Variants in CERS6 observed in about 807,000 individuals in gnomAD.
The protein encoded by CERS6 is ceramide synthase 6.
In CERS6, 26 loss-of-function variants were observed where a neutral mutation model predicts 56.8. The ratio of observed to expected loss-of-function variants is 0.46; its 90% CI spans 0.34 to 0.63. The LOEUF (loss-of-function observed/expected upper bound fraction) is 0.63. Among genes scored for constraint, CERS6 ranks in the 30% least tolerant of loss-of-function variants. CERS6 has a pLI of 0.01. For synonymous variants in CERS6, 164 were observed against 173.3 expected (o/e 0.95, Z 0.42); for missense variants, 415 against 467.5 (o/e 0.89, Z 1.04).
intron 4 of CERS6, among the ~76,000 whole-genome samples, chr2:168,690,204 A>G (rs941811353): frequency 6.6e-6 from 1 of 152,150 alleles, no homozygotes; most frequent in Non-Finnish European, 1.5e-5. Context: ...AAACATATAG[A>G]TGTATATCAA....
rs1684713390 is a variant in CERS6 at position 168,765,707 on chromosome 2, T to C, written c.961T>C (p.Leu321=). 1.2e-6 allele frequency: 2 copies of C among 1,613,956 alleles called. No homozygotes were observed. The highest frequency in any genetic ancestry group is 2.7e-5 in the African/African-American group (2 of 75,074). ...AGGGTTGAACTGCTTCTGGTCTTAC[T>C]TGATTGTGAAAATAGCTTGCAAAGC... is the stretch of plus-strand genomic sequence containing the variant. ...VQGLNCFWSY[L]IVKIACKAVS... is the part of the protein sequence containing the mutation. The change falls in exon 9 of 10, where the codon TTG becomes CTG. Residue 321 remains leucine (L), a synonymous_variant. Transcript: ENST00000305747.
chr2:168,651,717 A>G (rs942161901), intron 4 of CERS6, among the ~76,000 whole-genome samples: 3 of 152,154 alleles, frequency 2.0e-5, no homozygotes, highest in Admixed American at 1.3e-4. Context: ...CCATGATCCA[A>G]TCACTTCCCA....
intron 1 of CERS6, among the ~76,000 whole-genome samples, chr2:168,508,055 A>G (rs942462529): frequency 6.6e-6 from 1 of 151,974 alleles, no homozygotes; most frequent in African/African-American, 2.4e-5. Flanking sequence ...TTGATTTTTT[A>G]TTTGCTTTTG....
At chr2:168,741,172 AC>A (rs1205991862) in intron 8 of CERS6, among the ~76,000 whole-genome samples, 2 of 152,098 alleles carry the variant, frequency 1.3e-5, no homozygotes, top group Non-Finnish European at 2.9e-5. Context: ...TTATCTACTC[AC>A]TCTAACCTCT....
At chr2:168,704,231 A>G (rs1686875759) in intron 6 of CERS6, among the ~76,000 whole-genome samples, 1 of 152,154 alleles carries the variant, frequency 6.6e-6, no homozygotes, top group South Asian at 2.1e-4. Flanking sequence ...CAGAAGAGTG[A>G]CGACCAGGAG....
chr2:168,464,408 G>A (rs949876132), intron 1 of CERS6, among the ~76,000 whole-genome samples: 12 of 151,952 alleles, frequency 7.9e-5, no homozygotes, highest in African/African-American at 2.4e-4. Flanking sequence ...TGACCTGCTC[G>A]CCTTGGCCTC....
chr2:168,631,655 A>G (rs1284175422), intron 4 of CERS6, among the ~76,000 whole-genome samples: 2 of 24,864 alleles, frequency 8.0e-5, no homozygotes, highest in African/African-American at 1.0e-4. Flanking sequence ...TATTTATATT[A>G]TATATAACAT....
intron 1 of CERS6, among the ~76,000 whole-genome samples, chr2:168,502,590 A>G (rs1411585393): frequency 6.6e-6 from 1 of 152,234 alleles, no homozygotes; most frequent in Non-Finnish European, 1.5e-5. Context: ...AAGAGGGCCA[A>G]AACAAAATCT....
At chr2:168,546,456 C>T in intron 1 of CERS6, among the ~76,000 whole-genome samples, 1 of 152,150 alleles carries the variant, frequency 6.6e-6, no homozygotes. Flanking sequence ...GTTCCATTTT[C>T]CTGTTTAAAT....
At position 168,456,498 on chromosome 2, in the gene CERS6, A is replaced by G. The variant is rs748143834; in HGVS notation, c.50A>G (p.His17Arg). Residue 17 changes from histidine (H) to arginine (R), a missense_variant, in exon 1 of 10, where the codon CAC (histidine) becomes CGC (arginine). Physicochemically the swap from His to Arg is conservative, Grantham distance 29. Transcript: ENST00000305747. This position sits in a 1 kb window ranked among gnomAD's most constrained non-coding sequence, Gnocchi z 4.1. ...WFWNERFWLP[H>R]NVTWADLKNT... Reference sequence around the variant, plus strand: ...TGGAACGAGAGGTTTTGGCTCCCGCACAATGTCACCTGGGCGGACCTGAAG... The same window carrying G: ...TGGAACGAGAGGTTTTGGCTCCCGCGCAATGTCACCTGGGCGGACCTGAAG... 14 of 1,613,876 alleles carry G rather than the reference A, an allele frequency of 8.7e-6. No individual in the cohort carries two copies. The highest frequency in any genetic ancestry group is 1.1e-5 in the Non-Finnish European group (13 of 1,179,888).
rs1239413228 is a variant in CERS6 at position 168,608,837 on chromosome 2, C to T, written c.408-22148C>T. Among the ~76,000 whole-genome samples the T allele has an allele frequency of 4.6e-5, 7 of 152,032 alleles. No individual in the cohort carries two copies. The East Asian group carries it at 9.6e-4, about 21-fold the overall frequency. ...TTTATTTATGGTATCTTTTGAAGGG[C>T]AATGCATTTTGAAACATGAGTTATG... is the stretch of plus-strand genomic sequence containing the variant. On this transcript the variant is annotated intron_variant, in intron 3 of 9. Coordinates refer to ENST00000305747, the MANE Select transcript of CERS6 (RefSeq NM_203463.3).
chr2:168,641,601 T>C (rs1026258125), intron 4 of CERS6, among the ~76,000 whole-genome samples: 3 of 152,188 alleles, frequency 2.0e-5, no homozygotes. Flanking sequence ...ACACCTATAA[T>C]GTTAAGCCCT....
At chr2:168,584,325 C>T (rs1683489399) in intron 3 of CERS6, among the ~76,000 whole-genome samples, 1 of 152,180 alleles carries the variant, frequency 6.6e-6, no homozygotes, top group African/African-American at 2.4e-5. Context: ...CGTGATACCC[C>T]TCTGTGGAAA....
At chr2:168,706,844 T>G (rs1686952462) in intron 6 of CERS6, among the ~76,000 whole-genome samples, 1 of 152,212 alleles carries the variant, frequency 6.6e-6, no homozygotes, top group South Asian at 2.1e-4. Flanking sequence ...GCATAAAGCT[T>G]TTCTGTAAAG....
intron 8 of CERS6, among the ~76,000 whole-genome samples, chr2:168,735,618 A>G (rs1010395778): frequency 1.3e-5 from 2 of 152,018 alleles, no homozygotes; most frequent in African/African-American, 2.4e-5. Context: ...CATGCCTACA[A>G]TCCCAGCACT....
chr2:168,583,180 C>G (rs920756458), intron 3 of CERS6, among the ~76,000 whole-genome samples: 2 of 151,980 alleles, frequency 1.3e-5, no homozygotes, highest in African/African-American at 2.4e-5. Context: ...AAATTTTGAA[C>G]CTTAGAAATA....
intron 4 of CERS6, among the ~76,000 whole-genome samples, chr2:168,685,993 G>T (rs958377865): frequency 6.7e-6 from 1 of 150,188 alleles, no homozygotes; most frequent in Non-Finnish European, 1.5e-5. Flanking sequence ...ATTAGTTGAC[G>T]TGTAATTTAA....
At chr2:168,599,804 A>G (rs1342406135) in intron 3 of CERS6, among the ~76,000 whole-genome samples, 3 of 152,232 alleles carry the variant, frequency 2.0e-5, no homozygotes, top group African/African-American at 7.2e-5. Context: ...AAATGTCACA[A>G]ATATTTATGG....
intron 4 of CERS6, among the ~76,000 whole-genome samples, chr2:168,690,433 A>G (rs1179462050): frequency 6.6e-6 from 1 of 152,138 alleles, no homozygotes; most frequent in Non-Finnish European, 1.5e-5. Flanking sequence ...TCCTAATCAT[A>G]CTGTGTCATA....
Sources: gnomAD v4.1 joint callset for allele counts (sites outside exome capture counted in the v4.1 genomes callset) on GRCh38, gnomAD v4.1.1 for gene constraint, Gnocchi (gnomAD v3.1) non-coding constraint, MANE v1.5 for transcripts, NCBI Gene and HGNC (gene_info 2026-07-23, HGNC 2026-07-21) for gene names.